The following HS6ST3 variants were observed in gnomAD, a reference collection of about 807,000 sequenced individuals.
The protein encoded by HS6ST3 is heparan-sulfate 6-O-sulfotransferase 3.
Under a neutral mutation model 36.7 loss-of-function variants are expected in HS6ST3, and 12 were observed. That is an observed-to-expected ratio of 0.33 (90% CI 0.21 to 0.53). The LOEUF (loss-of-function observed/expected upper bound fraction) is 0.53, where lower values mean the gene tolerates loss of function less well. HS6ST3 is among the 20% of genes least tolerant of loss of function. The probability of loss-of-function intolerance (pLI) is 0.95; values close to 1 mark genes in which losing one functional copy is unlikely to be tolerated. For synonymous variants in HS6ST3, 240 were observed against 257.5 expected (o/e 0.93, Z 0.65); for missense variants, 584 against 640.9 (o/e 0.91, Z 0.96).
intron 1 of HS6ST3, among the ~76,000 whole-genome samples, chr13:96,299,281 T>A (rs1160439497): frequency 6.6e-6 from 1 of 152,214 alleles, no homozygotes; most frequent in Non-Finnish European, 1.5e-5. Flanking sequence ...TGCACCTGTC[T>A]CATTTACTGC....
At chr13:96,131,010 GCA>G (rs1282056674) in intron 1 of HS6ST3, among the ~76,000 whole-genome samples, 3 of 152,110 alleles carry the variant, frequency 2.0e-5, no homozygotes, top group Non-Finnish European at 4.4e-5. Flanking sequence ...CCACTACCAA[GCA>G]GAGTATTTGA....
intron 1 of HS6ST3, among the ~76,000 whole-genome samples, chr13:96,458,080 C>T (rs530031300): frequency 2.0e-5 from 3 of 151,980 alleles, no homozygotes; most frequent in South Asian, 4.1e-4. Context: ...TGCCTACTAA[C>T]CTGTAGTATC....
intron 1 of HS6ST3, among the ~76,000 whole-genome samples, chr13:96,542,308 G>A (rs575233373): frequency 6.6e-6 from 1 of 152,286 alleles, no homozygotes; most frequent in South Asian, 2.1e-4. Context: ...ATATGGACAT[G>A]CTCCTGGTGG....
chr13:96,406,075 T>A (rs911425160), intron 1 of HS6ST3, among the ~76,000 whole-genome samples: 2 of 152,344 alleles, frequency 1.3e-5, no homozygotes, highest in East Asian at 3.9e-4. Flanking sequence ...TTATGCTAGG[T>A]ACCACAATTG....
At chr13:96,612,133 A>G (rs565707876) in intron 1 of HS6ST3, among the ~76,000 whole-genome samples, 2 of 152,210 alleles carry the variant, frequency 1.3e-5, no homozygotes, top group South Asian at 2.1e-4. Context: ...TGGGAGAAAT[A>G]CTTATTGGAA....
intron 1 of HS6ST3, among the ~76,000 whole-genome samples, chr13:96,716,612 AATC>A (rs559288134): frequency 1.6e-3 from 240 of 152,252 alleles, no homozygotes; most frequent in African/African-American, 5.5e-3. Context: ...ATGATCTATC[AATC>A]ATCTATCATC....
rs202103440 is a variant in HS6ST3, at chr13:96,639,766, G to T, written c.708-192724G>T. On this transcript the variant is annotated intron_variant, in intron 1 of 1. Coordinates refer to ENST00000376705, the MANE Select transcript of HS6ST3 (RefSeq NM_153456.4). Reference sequence around the variant, plus strand: ...ATCTTTATGTCCTCAAATACCCATTGTTTCACTCTCTATTATAAATGAGAA... The same window carrying T: ...ATCTTTATGTCCTCAAATACCCATTTTTTCACTCTCTATTATAAATGAGAA... Among the ~76,000 whole-genome samples the T allele has an allele frequency of 2.6e-5, 4 of 151,810 alleles. No homozygotes were observed. The East Asian group carries it at 7.8e-4, about 29-fold the overall frequency.
intron 1 of HS6ST3, among the ~76,000 whole-genome samples, chr13:96,316,257 C>CTG (rs10534465): frequency 0.24 from 35,800 of 146,704 alleles, 4,450 homozygotes; most frequent in Admixed American, 0.3. Context: ...CTACATACAC[C>CTG]TGTGTGTGTG....
chr13:96,196,601 A>AC (rs1566284271), intron 1 of HS6ST3, among the ~76,000 whole-genome samples: 1 of 152,168 alleles, frequency 6.6e-6, no homozygotes, highest in Non-Finnish European at 1.5e-5. Flanking sequence ...CATGCTGATG[A>AC]TGACTGTGAC....
At chr13:96,397,151 G>A (rs1179218253) in intron 1 of HS6ST3, among the ~76,000 whole-genome samples, 2 of 152,098 alleles carry the variant, frequency 1.3e-5, no homozygotes, top group South Asian at 2.1e-4. Flanking sequence ...TGCAGTGAGC[G>A]GAGATCGCCC....
chr13:96,227,696 A>C (rs1001103571), intron 1 of HS6ST3, among the ~76,000 whole-genome samples: 19 of 152,222 alleles, frequency 1.2e-4, no homozygotes, highest in African/African-American at 4.3e-4. Context: ...TTTCTGCACA[A>C]CATGGGTTTC....
chr13:96,431,428 C>A (rs2139474804), intron 1 of HS6ST3, among the ~76,000 whole-genome samples: 1 of 152,262 alleles, frequency 6.6e-6, no homozygotes, highest in East Asian at 1.9e-4. Context: ...TGCTTTCCAC[C>A]ACAGGGGTGT....
intron 1 of HS6ST3, among the ~76,000 whole-genome samples, chr13:96,304,715 T>C (rs9740766): frequency 3.6e-3 from 105 of 28,804 alleles, no homozygotes; most frequent in Middle Eastern, 0.013. Context: ...TTCTTTCTTT[T>C]TTTTTTTTTT....
intron 1 of HS6ST3, among the ~76,000 whole-genome samples, chr13:96,277,648 A>G (rs766026987): frequency 2.0e-5 from 3 of 152,212 alleles, no homozygotes; most frequent in Non-Finnish European, 4.4e-5. Flanking sequence ...ATCAACATGA[A>G]AATGTCACAA....
chr13:96,808,599 A>G (rs1202836178), intron 1 of HS6ST3, among the ~76,000 whole-genome samples: 1 of 152,186 alleles, frequency 6.6e-6, no homozygotes, highest in Middle Eastern at 3.2e-3. Flanking sequence ...ATGGAGAGTT[A>G]GGGGCTGTTT....
At chr13:96,552,809 C>A (rs966670911) in intron 1 of HS6ST3, among the ~76,000 whole-genome samples, 1 of 152,104 alleles carries the variant, frequency 6.6e-6, no homozygotes. Context: ...TTGAGAAACA[C>A]AAATTGAAAT....
At chr13:96,472,484 A>G (rs890862619) in intron 1 of HS6ST3, among the ~76,000 whole-genome samples, 3 of 152,198 alleles carry the variant, frequency 2.0e-5, no homozygotes, top group Non-Finnish European at 1.5e-5. Context: ...ACTGAGGTCA[A>G]GAAAAGACTT....
At chr13:96,496,720 G>T (rs1443193426) in intron 1 of HS6ST3, among the ~76,000 whole-genome samples, 1 of 152,182 alleles carries the variant, frequency 6.6e-6, no homozygotes, top group Non-Finnish European at 1.5e-5. Context: ...AGCACAGACT[G>T]CAGAATCACA....
intron 1 of HS6ST3, among the ~76,000 whole-genome samples, chr13:96,679,398 A>G (rs922123086): frequency 6.6e-6 from 1 of 151,770 alleles, no homozygotes; most frequent in Admixed American, 6.6e-5. Context: ...GCCTCACCCC[A>G]AGAGACTGAG....
Sources: allele counts gnomAD v4.1 joint callset (sites outside exome capture counted in the v4.1 genomes callset), GRCh38; gene constraint gnomAD v4.1.1; transcripts MANE v1.5; gene names NCBI Gene and HGNC (gene_info 2026-07-23, HGNC 2026-07-21).